ZKSCAN7: variants seen among roughly 807,000 people sequenced by gnomAD.
ZKSCAN7 encodes zinc finger protein with KRAB and SCAN domains 7.
ZKSCAN7 carries 38 observed loss-of-function variants against 65.3 expected under a neutral mutation model. The observed-to-expected ratio is 0.58, with a 90% confidence interval of 0.45 to 0.76. The LOEUF (loss-of-function observed/expected upper bound fraction) is 0.76. ZKSCAN7 is among the 30% of genes least tolerant of loss of function. ZKSCAN7 has a pLI of 0.00. For synonymous variants in ZKSCAN7, 321 were observed against 321.0 expected, an observed-to-expected ratio of 1.00 and a Z score of 0.00; for missense variants, 815 against 913.3, an observed-to-expected ratio of 0.89 and a Z score of 1.39.
Position 44,557,203 on chromosome 3 carries a change from C to T in ZKSCAN7, c.156C>T (p.Ile52=). Residue 52 remains isoleucine (I), a synonymous_variant, in exon 2 of 6, where the codon ATC becomes ATT. Transcript: ENST00000426540. ...AGAACTATCCTCCTGTCTGCGAAAT[C>T]TTCCGGCTACACTTCAGGCAATTGT... ...LQKNYPPVCE[I]FRLHFRQLCY... 6.2e-7 allele frequency: 1 copy of T among 1,614,266 alleles called. No homozygotes were observed. Among genetic ancestry groups the T allele is most frequent in the African/African-American group, 1.3e-5 (1 of 75,072 alleles).
chr3:44,577,091 G>A (rs997984137), downstream of ZKSCAN7, among the ~76,000 whole-genome samples: 3 of 151,858 alleles, frequency 2.0e-5, no homozygotes, highest in African/African-American at 7.3e-5. Context: ...AGCCTCCTGA[G>A]TAGTTAGGAC....
rs1559430139 is a variant in ZKSCAN7, at chr3:44,571,334, A to G, written c.2224A>G (p.Thr742Ala). The part of the protein sequence containing the change: ...STFNHHQRTH[T>A]GEKSSGLAWS... Reference sequence around the variant, plus strand: ...TTTTAATCACCACCAGCGAACTCACACTGGAGAGAAGTCCTCAGGTCTGGC... The same window carrying G: ...TTTTAATCACCACCAGCGAACTCACGCTGGAGAGAAGTCCTCAGGTCTGGC... The change falls in exon 6 of 6, where the codon ACT becomes GCT. Residue 742 changes from threonine to alanine, a missense_variant. By Grantham distance (58) the Thr-to-Ala change is moderately conservative. Transcript: ENST00000426540. The G allele has an allele frequency of 1.9e-6, 3 of 1,614,244 alleles. No individual in the cohort carries two copies. The highest frequency in any genetic ancestry group is 2.5e-6 in the Non-Finnish European group (3 of 1,180,044).
chr3:44,560,939 G>A (rs988020136), intron 2 of ZKSCAN7, among the ~76,000 whole-genome samples: 14 of 152,210 alleles, frequency 9.2e-5, no homozygotes, highest in African/African-American at 2.7e-4. Context: ...TAGCTGAGGT[G>A]TGGTTGTTTC....
intron 5 of ZKSCAN7, 194 bp downstream of exon 5, chr3:44,568,627 T>C: frequency 1.2e-6 from 1 of 836,190 alleles, no homozygotes; most frequent in Non-Finnish European, 1.7e-6. Flanking sequence ...TCATTATGAA[T>C]TGATATAGTG....
chr3:44,578,732 G>A (rs1448197165), intron 5 of ZKSCAN7, among the ~76,000 whole-genome samples: 1 of 152,216 alleles, frequency 6.6e-6, no homozygotes, highest in Non-Finnish European at 1.5e-5. Flanking sequence ...GGCTGAGATG[G>A]TGGCCGCTGT....
Position 44,567,994 on chromosome 3 carries a change from C to T in ZKSCAN7, c.675C>T (p.Val225=), listed in dbSNP as rs1206335927. The change falls in exon 4 of 6, where the codon GTC becomes GTT. Residue 225 remains valine (V), a synonymous_variant. Coordinates refer to ENST00000426540, the MANE Select transcript of ZKSCAN7 (RefSeq NM_001288590.2). ...DQAGATVLRM[V]RPQDTVAYED... ...CAGGGGCAACTGTACTTCGGATGGT[C>T]AGGCCCCAGGTGAGCTTGGTTCTTT... 1.4e-6 allele frequency: 2 copies of T among 1,441,016 alleles called. No individual in the cohort carries two copies. The highest frequency in any genetic ancestry group is 2.5e-5 in the East Asian group (1 of 40,186). The allele number at this position is 1,441,016 out of a possible 1,614,324, so 89.3% of individuals were successfully genotyped here.
rs1204658847 is a variant in ZKSCAN7, at chr3:44,555,373, A to AAGCCGCCCGATGTAG, written c.-220_-206dup. On this transcript the variant is annotated 5_prime_UTR_variant, in exon 1 of 6. It adds an upstream start codon to the 5' untranslated region. Coordinates refer to ENST00000426540, the MANE Select transcript of ZKSCAN7 (RefSeq NM_001288590.2). ...GCGGCGCGGTCCCCGTGACTCTCAG[A>AAGCCGCCCGATGTAG]AGCCGCCCGATGTAGAGCCGCTTCT... 1 of 152,220 alleles carries AAGCCGCCCGATGTAG rather than the reference A, an allele frequency of 6.6e-6. No homozygotes were observed. Among genetic ancestry groups the AAGCCGCCCGATGTAG allele is most frequent in the Non-Finnish European group, 1.5e-5 (1 of 68,040 alleles). 9.4% of individuals were successfully genotyped at this position (152,220 alleles called of 1,614,324 possible).
At chr3:44,580,980 ATGT>A in intron 5 of ZKSCAN7, 19 of 1,611,460 alleles carry the variant, frequency 1.2e-5, no homozygotes. Context: ...CTTGTTGAAG[ATGT>A]TGGCCTGGAA....
Position 44,570,383 on chromosome 3 carries a change from C to G in ZKSCAN7, c.1273C>G (p.Gln425Glu). The G allele has an allele frequency of 6.2e-7, 1 of 1,613,504 alleles. No individual in the cohort carries two copies. The highest frequency in any genetic ancestry group is 8.5e-7 in the Non-Finnish European group (1 of 1,179,802). The change falls in exon 6 of 6, where the codon CAG becomes GAG. Residue 425 changes from glutamine to glutamate, a missense_variant. Transcript: ENST00000426540. The stretch of plus-strand genomic sequence containing the variant: ...TGGGAAGACCTTCAGGCAAACCTCC[C>G]AGCTCATTGTTCATCTCAGAACCCA... ...ECGKTFRQTS[Q>E]LIVHLRTHTG...
In ZKSCAN7 at chr3:44,571,285, GAA is replaced by G; in HGVS notation, c.2177_2178del (p.Lys726SerfsTer3). ...AACCTTATGAATGTAGTGAATGTGG[GAA>G]AGCCTTTAGTCAGCGTTCCACTTTT... is the stretch of plus-strand genomic sequence containing the variant. ...EKPYECSECG[K>X]AFSQRSTFNH... On this transcript the variant is annotated frameshift_variant, in exon 6 of 6. Transcript: ENST00000426540. LOFTEE classifies it high-confidence loss of function. 1 of 1,614,238 alleles carries G rather than the reference GAA, an allele frequency of 6.2e-7. No individual in the cohort carries two copies. The highest frequency in any genetic ancestry group is 8.5e-7 in the Non-Finnish European group (1 of 1,180,044).
chr3:44,560,628 C>G (rs984165129), intron 2 of ZKSCAN7, among the ~76,000 whole-genome samples: 9 of 151,936 alleles, frequency 5.9e-5, no homozygotes, highest in Admixed American at 2.6e-4. Context: ...CCTGCCTCAG[C>G]CTCCTGAGTA....
rs748222698 is a variant in ZKSCAN7 at position 44,571,325 on chromosome 3, C to T, written c.2215C>T (p.Arg739Ter). The change falls in exon 6 of 6, where the codon CGA (arginine) becomes TGA (stop). Residue 739 changes from arginine to a stop codon, truncating the protein, a stop_gained. Coordinates refer to ENST00000426540, the MANE Select transcript of ZKSCAN7 (RefSeq NM_001288590.2). LOFTEE classifies it high-confidence loss of function. Reference protein sequence around the residue: ...SQRSTFNHHQRTHTGEKSSGL... With the variant: ...SQRSTFNHHQ Reference sequence around the variant, plus strand: ...GCGTTCCACTTTTAATCACCACCAGCGAACTCACACTGGAGAGAAGTCCTC... The same window carrying T: ...GCGTTCCACTTTTAATCACCACCAGTGAACTCACACTGGAGAGAAGTCCTC... The T allele has an allele frequency of 1.3e-5, 21 of 1,614,060 alleles. No homozygotes were observed. The highest frequency in any genetic ancestry group is 1.1e-4 in the East Asian group (5 of 44,896).
In ZKSCAN7 at chr3:44,570,510, A is replaced by G. The variant is rs1559429037; in HGVS notation, c.1400A>G (p.Tyr467Cys). The G allele has an allele frequency of 1.2e-6, 2 of 1,614,240 alleles. No homozygotes were observed. Among genetic ancestry groups the G allele is most frequent in the Non-Finnish European group, 1.7e-6 (2 of 1,180,038 alleles). ...AGACTCCATAATGGGGAGAAACCCT[A>G]TAAATGTAATGAATGTGCAAAAGCC... The part of the protein sequence containing the change: ...HQRLHNGEKP[Y>C]KCNECAKAFT... The change falls in exon 6 of 6, where the codon TAT becomes TGT. Residue 467 changes from tyrosine (Y) to cysteine (C), a missense_variant. Coordinates refer to ENST00000426540, the MANE Select transcript of ZKSCAN7 (RefSeq NM_001288590.2).
At chr3:44,558,524 C>CAAA (rs200361121) in intron 2 of ZKSCAN7, among the ~76,000 whole-genome samples, 16 of 107,360 alleles carry the variant, frequency 1.5e-4, no homozygotes, top group East Asian at 5.5e-4. Flanking sequence ...GACTTCATCT[C>CAAA]AAAAAAAAAA....
rs1395312102 is a variant in ZKSCAN7 at position 44,557,174 on chromosome 3, CAGA to C, written c.132_134del (p.Lys44del). 3 of 1,614,244 alleles carry C rather than the reference CAGA, an allele frequency of 1.9e-6. No individual in the cohort carries two copies. The highest frequency in any genetic ancestry group is 1.7e-6 in the Non-Finnish European group (2 of 1,180,040). Reference sequence around the variant, plus strand: ...GACCTGGGGGCAGGGCAGCAGTCTCCAGAAGAACTATCCTCCTGTCTGCGAAAT... The same window carrying C: ...GACCTGGGGGCAGGGCAGCAGTCTCCAGAACTATCCTCCTGTCTGCGAAAT... On this transcript the variant is annotated inframe_deletion, in exon 2 of 6. Transcript: ENST00000426540.
rs192189302 is a variant in ZKSCAN7, at chr3:44,561,661, C to G, written c.424-3826C>G. On this transcript the variant is annotated intron_variant, in intron 2 of 5. Transcript: ENST00000426540. ...GGGATATAGGCATTGGGTAAATGCT[C>G]CCATTCCAAATGGGAGAAATTGGCC... Among the ~76,000 whole-genome samples, 123 of 149,694 alleles carry G rather than the reference C, an allele frequency of 8.2e-4. 2 individuals are homozygous for G. Among genetic ancestry groups the G allele is most frequent in the African/African-American group, 3.1e-3 (121 of 39,096 alleles).
intron 3 of ZKSCAN7, 52 bp downstream of exon 3, chr3:44,565,707 G>T: frequency 6.8e-7 from 1 of 1,474,480 alleles, no homozygotes; most frequent in South Asian, 1.4e-5. Context: ...TCTCTCCTCT[G>T]GAGTCTCCTT....
At position 44,557,404 on chromosome 3, in the gene ZKSCAN7, T is replaced by C; in HGVS notation, c.357T>C (p.Pro119=). Residue 119 remains proline, a synonymous_variant, in exon 2 of 6, where the codon CCT becomes CCC. Transcript: ENST00000426540. ...ELRTWVQLHH[P]ESGEEAVAVV... ...GGACCTGGGTGCAGCTGCATCACCC[T>C]GAGAGTGGTGAGGAGGCTGTGGCTG... 1 of 1,614,140 alleles carries C rather than the reference T, an allele frequency of 6.2e-7. No individual in the cohort carries two copies. Among genetic ancestry groups the C allele is most frequent in the Non-Finnish European group, 8.5e-7 (1 of 1,180,006 alleles).
At chr3:44,555,841 T>C (rs1699274041) in intron 1 of ZKSCAN7, among the ~76,000 whole-genome samples, 1 of 152,244 alleles carries the variant, frequency 6.6e-6, no homozygotes, top group African/African-American at 2.4e-5. Context: ...AGTAAGGTGC[T>C]GATTTTAAAA....
Sources: allele counts gnomAD v4.1 joint callset (sites outside exome capture counted in the v4.1 genomes callset), GRCh38; gene constraint gnomAD v4.1.1; transcripts MANE v1.5; gene names NCBI Gene and HGNC (gene_info 2026-07-23, HGNC 2026-07-21).